Variants in PRKX observed in about 807,000 individuals in gnomAD.
PRKX encodes the protein protein kinase cAMP-dependent X-linked catalytic subunit.
Under a neutral mutation model 22.0 loss-of-function variants are expected in PRKX, and 12 were observed. That is an observed-to-expected ratio of 0.54 (90% CI 0.35 to 0.88). PRKX has a LOEUF of 0.88. PRKX is among the 40% of genes least tolerant of loss of function. PRKX has a pLI of 0.01. For synonymous variants in PRKX, 134 were observed against 137.7 expected (o/e 0.97, Z 0.19); for missense variants, 217 against 308.0 (o/e 0.70, Z 2.21).
At chrX:3,674,114 G>A (rs1169843330) in intron 2 of PRKX, among the ~76,000 whole-genome samples, 1 of 111,210 alleles carries the variant, frequency 9.0e-6, no homozygotes, top group East Asian at 2.8e-4. Context: ...AGACTGTTGT[G>A]TACCATCAGC....
intron 1 of PRKX, among the ~76,000 whole-genome samples, chrX:3,711,625 C>A (rs1928791129): frequency 1.8e-5 from 2 of 111,913 alleles, no homozygotes; most frequent in South Asian, 7.4e-4. Flanking sequence ...TGTATTTCCA[C>A]CTACTGTGGC....
chrX:3,689,188 C>G (rs1365428286), intron 1 of PRKX, among the ~76,000 whole-genome samples: 1 of 112,513 alleles, frequency 8.9e-6, no homozygotes, highest in Non-Finnish European at 1.9e-5. Context: ...TTATCATCCT[C>G]AAACTCAGTT....
At chrX:3,664,102 G>T (rs945657972) in intron 2 of PRKX, among the ~76,000 whole-genome samples, 1 of 111,821 alleles carries the variant, frequency 8.9e-6, no homozygotes, top group Non-Finnish European at 1.9e-5. Context: ...ACACTGCCTT[G>T]CACAGCTGAG....
intron 2 of PRKX, among the ~76,000 whole-genome samples, chrX:3,655,777 T>A (rs1569052315): frequency 8.9e-6 from 1 of 112,464 alleles, no homozygotes; most frequent in Non-Finnish European, 1.9e-5. Flanking sequence ...TAGAAAGATG[T>A]TAATATGTAG....
chrX:3,689,386 A>T (rs932637522), intron 1 of PRKX, among the ~76,000 whole-genome samples: 2 of 112,744 alleles, frequency 1.8e-5, no homozygotes, highest in Non-Finnish European at 3.7e-5. Flanking sequence ...AAGTATTTTT[A>T]AAAAAGAGTG....
At chrX:3,700,628 G>A (rs1217347432) in intron 1 of PRKX, among the ~76,000 whole-genome samples, 1 of 108,583 alleles carries the variant, frequency 9.2e-6, no homozygotes, top group African/African-American at 3.4e-5. Context: ...ACCCAGGCTG[G>A]AGTACAATGG....
rs370560798 is a variant in PRKX at position 3,712,934 on chromosome X, G to C, written c.166+154C>G. On this transcript the variant is annotated intron_variant, in intron 1 of 8. Transcript: ENST00000262848. ...AGTGCGCTCCACCCGGGAAGACCCG[G>C]GGCGCAGGTGCAGCCCCGCACGGGG... Among the ~76,000 whole-genome samples the C allele has an allele frequency of 1.1e-4, 12 of 112,693 alleles. No individual in the cohort carries two copies. The East Asian group carries it at 3.4e-3, about 32-fold the overall frequency.
intron 1 of PRKX, among the ~76,000 whole-genome samples, chrX:3,700,800 C>A (rs1461450941): frequency 9.1e-6 from 1 of 110,252 alleles, no homozygotes; most frequent in Non-Finnish European, 1.9e-5. Context: ...ACCATGTTGC[C>A]GAGGCTAGAG....
At chrX:3,698,674 C>T (rs989528479) in intron 1 of PRKX, among the ~76,000 whole-genome samples, 1 of 107,808 alleles carries the variant, frequency 9.3e-6, no homozygotes, top group East Asian at 2.9e-4. Context: ...CTGCAACCTC[C>T]GCCTTCCGGG....
At chrX:3,653,648 ATTATATATAATATACTATGTG>A (rs1927388635) in intron 3 of PRKX, among the ~76,000 whole-genome samples, 1 of 70,029 alleles carries the variant, frequency 1.4e-5, no homozygotes, top group Non-Finnish European at 2.6e-5. Context: ...TAATATATAT[ATTATATATAATATACTATGTG>A]ATATATATAA....
intron 3 of PRKX, among the ~76,000 whole-genome samples, chrX:3,645,629 G>A (rs771417656): frequency 1.8e-5 from 2 of 112,684 alleles, no homozygotes; most frequent in Non-Finnish European, 3.8e-5. Context: ...ACTCAATTGT[G>A]CACGGCAAGA....
At chrX:3,707,203 A>G (rs1384196599) in intron 1 of PRKX, among the ~76,000 whole-genome samples, 1 of 111,908 alleles carries the variant, frequency 8.9e-6, no homozygotes. Flanking sequence ...ACTAATGTAC[A>G]TATTGTACCC....
intron 2 of PRKX, among the ~76,000 whole-genome samples, chrX:3,659,734 T>G (rs932446193): frequency 1.9e-5 from 2 of 102,574 alleles, no homozygotes; most frequent in African/African-American, 3.7e-5. Flanking sequence ...TTTTTGTTTT[T>G]TTTTTTTTTG....
intron 3 of PRKX, among the ~76,000 whole-genome samples, chrX:3,654,057 T>C (rs1315382521): frequency 1.2e-5 from 1 of 83,462 alleles, no homozygotes; most frequent in African/African-American, 4.8e-5. Flanking sequence ...ATATATTATA[T>C]AGTATAATAT....
At chrX:3,644,262 T>A (rs1385199012) in intron 3 of PRKX, among the ~76,000 whole-genome samples, 19 of 97,229 alleles carry the variant, frequency 2.0e-4, no homozygotes, top group African/African-American at 7.3e-4. Flanking sequence ...AAAAGCCAGG[T>A]GTGCTGAAGT....
At chrX:3,668,300 A>G (rs1927776793) in intron 2 of PRKX, 1 of 111,603 alleles carries the variant, frequency 9.0e-6, no homozygotes, top group South Asian at 3.8e-4. Flanking sequence ...GCCTGCCTTC[A>G]CTCTGGTCTC....
At chrX:3,643,697 C>T (rs763678491) in intron 3 of PRKX, among the ~76,000 whole-genome samples, 26 of 110,989 alleles carry the variant, frequency 2.3e-4, no homozygotes, top group African/African-American at 8.5e-4. Context: ...TCCCTCCCAC[C>T]ACTCAGATCA....
chrX:3,631,557 C>A, intron 4 of PRKX, among the ~76,000 whole-genome samples: 1 of 112,284 alleles, frequency 8.9e-6, no homozygotes, highest in Admixed American at 9.4e-5. Context: ...GATCTGTCCA[C>A]GTCCTAATGC....
chrX:3,690,646 C>G (rs1928304940), intron 1 of PRKX, among the ~76,000 whole-genome samples: 1 of 112,025 alleles, frequency 8.9e-6, no homozygotes, highest in African/African-American at 3.2e-5. Context: ...GCAGGAGGAT[C>G]ACTTGAGCCT....
Sources: gnomAD v4.1 joint callset for allele counts (sites outside exome capture counted in the v4.1 genomes callset) on GRCh38, gnomAD v4.1.1 for gene constraint, MANE v1.5 for transcripts, NCBI Gene and HGNC (gene_info 2026-07-23, HGNC 2026-07-21) for gene names.